NDST1: variants seen among roughly 807,000 people sequenced by gnomAD.
NDST1 encodes the protein bifunctional heparan sulfate N-deacetylase/N-sulfotransferase 1.
NDST1 carries 35 observed loss-of-function variants against 92.8 expected under a neutral mutation model. The ratio of observed to expected loss-of-function variants is 0.38; its 90% CI spans 0.29 to 0.50. NDST1 has a LOEUF of 0.50. NDST1 is among the 20% of genes least tolerant of loss of function. NDST1 has a pLI of 0.94. For synonymous variants in NDST1, 493 were observed against 500.3 expected (o/e 0.99, Z 0.19); for missense variants, 822 against 1,182.7 (o/e 0.69, Z 4.47).
intron 6 of NDST1, among the ~76,000 whole-genome samples, chr5:150,537,007 C>G (rs1755022905): frequency 6.6e-6 from 1 of 152,210 alleles, no homozygotes; most frequent in Non-Finnish European, 1.5e-5. Flanking sequence ...GTCAGGGACC[C>G]CGAACAGAGG....
At chr5:150,550,823 C>T (rs1017760965) in intron 13 of NDST1, 3 of 152,260 alleles carry the variant, frequency 2.0e-5, no homozygotes, top group East Asian at 1.9e-4. Context: ...TTTCAAGCCT[C>T]GCTTTCCTCA....
chr5:150,501,450 A>G (rs1008330259), intron 1 of NDST1, among the ~76,000 whole-genome samples: 4 of 152,316 alleles, frequency 2.6e-5, no homozygotes, highest in African/African-American at 9.6e-5. Context: ...CTTGTCATCC[A>G]TTGGTCCAAG....
intron 2 of NDST1, among the ~76,000 whole-genome samples, chr5:150,524,202 G>A (rs1419189598): frequency 6.6e-6 from 1 of 152,224 alleles, no homozygotes; most frequent in African/African-American, 2.4e-5. Context: ...AATTACAGCT[G>A]CTGCCTCACT....
chr5:150,521,787 C>T lies in NDST1; in HGVS notation c.513+20C>T. 6.2e-7 allele frequency: 1 copy of T among 1,611,050 alleles called. No homozygotes were observed. The highest frequency in any genetic ancestry group is 8.5e-7 in the Non-Finnish European group (1 of 1,179,998). ...TTCAAGGTACACAAGAAGCAGGGTC[C>T]CCGAGCAGTTCAGAGCCCCCTCTGC... On this transcript the variant is annotated intron_variant, in intron 2 of 14. Coordinates refer to ENST00000261797, the MANE Select transcript of NDST1 (RefSeq NM_001543.5). The surrounding 1 kb of genome is among the most constrained non-coding windows in gnomAD (Gnocchi z 5.9).
intron 10 of NDST1, among the ~76,000 whole-genome samples, chr5:150,544,458 C>T (rs1755392265): frequency 6.6e-6 from 1 of 152,278 alleles, no homozygotes; most frequent in Admixed American, 6.5e-5. Flanking sequence ...GCCCAATTCC[C>T]AAGAGCTTGA....
At chr5:150,532,876 C>A in intron 3 of NDST1, 69 bp from the exon 4 acceptor site, 2 of 1,380,498 alleles carry the variant, frequency 1.4e-6, no homozygotes, top group East Asian at 2.3e-5. Context: ...TTTTTCACTG[C>A]CCTCAGTGGG....
intron 11 of NDST1, among the ~76,000 whole-genome samples, chr5:150,546,051 G>A (rs1755469059): frequency 7.1e-6 from 1 of 141,688 alleles, no homozygotes; most frequent in Non-Finnish European, 1.5e-5. Flanking sequence ...AGGCTGGAGT[G>A]CAGTGGCCTG....
chr5:150,531,168 G>A (rs1225130134), intron 3 of NDST1, among the ~76,000 whole-genome samples: 3 of 152,046 alleles, frequency 2.0e-5, no homozygotes, highest in Middle Eastern at 3.2e-3. Flanking sequence ...GCTGTACAGC[G>A]CAATTTAAAT....
intron 10 of NDST1, among the ~76,000 whole-genome samples, chr5:150,544,302 G>T (rs1378514249): frequency 6.6e-6 from 1 of 152,250 alleles, no homozygotes. Flanking sequence ...AGAGGAATAA[G>T]TCAGGTTTTG....
At chr5:150,516,115 A>C (rs1753952913) in intron 1 of NDST1, among the ~76,000 whole-genome samples, 1 of 152,198 alleles carries the variant, frequency 6.6e-6, no homozygotes, top group African/African-American at 2.4e-5. Flanking sequence ...CAGCCTCCAA[A>C]GATAGGGCTA....
intron 2 of NDST1, among the ~76,000 whole-genome samples, chr5:150,527,465 A>T (rs760478973): frequency 6.6e-6 from 1 of 152,196 alleles, no homozygotes; most frequent in Non-Finnish European, 1.5e-5. Context: ...TCATGTTCTC[A>T]ACTGCTAGAT....
rs1274010416 is a variant in NDST1, at chr5:150,553,491, A to G, written c.*159A>G. 9.7e-7 allele frequency: 1 copy of G among 1,026,062 alleles called. No individual in the cohort carries two copies. The highest frequency in any genetic ancestry group is 1.6e-5 in the African/African-American group (1 of 63,274). 63.6% of individuals were successfully genotyped at this position (1,026,062 alleles called of 1,614,324 possible). On this transcript the variant is annotated 3_prime_UTR_variant, in exon 15 of 15. Transcript: ENST00000261797. This position sits in a 1 kb window ranked among gnomAD's most constrained non-coding sequence, Gnocchi z 4.2. ...TGGGGCTGGGGGAGCACCCAGGCGG[A>G]TCTGCAAGCACCTCGGAGCACCCAC... is the stretch of plus-strand genomic sequence containing the variant.
intron 13 of NDST1, chr5:150,550,632 C>T (rs1050363257): frequency 6.6e-6 from 1 of 152,252 alleles, no homozygotes; most frequent in Admixed American, 6.5e-5. Context: ...AAGTCACCCT[C>T]CTTGGCTCCA....
At chr5:150,520,579 A>C (rs10057918) in intron 1 of NDST1, among the ~76,000 whole-genome samples, 6,177 of 152,262 alleles carry the variant, frequency 0.041, 413 homozygotes, top group African/African-American at 0.14. Flanking sequence ...TAGCAACTCC[A>C]ATTTGTAGAT....
At chr5:150,530,462 A>C (rs373769211) in intron 3 of NDST1, among the ~76,000 whole-genome samples, 2 of 152,032 alleles carry the variant, frequency 1.3e-5, no homozygotes, top group East Asian at 3.9e-4. Flanking sequence ...ACTGTGGTCC[A>C]GGGTCAGGTT....
chr5:150,535,283 A>G (rs1754931594), intron 5 of NDST1: 2 of 984,214 alleles, frequency 2.0e-6, no homozygotes, highest in African/African-American at 1.7e-5. Context: ...AACTCAGGCC[A>G]TTTGTTTCCT....
At chr5:150,501,786 C>T (rs1393819041) in intron 1 of NDST1, among the ~76,000 whole-genome samples, 1 of 152,146 alleles carries the variant, frequency 6.6e-6, no homozygotes, top group Non-Finnish European at 1.5e-5. Flanking sequence ...AGCTCACTGT[C>T]AGGTGGTGAG....
Position 150,528,222 on chromosome 5 carries a change from A to G in NDST1, c.932A>G (p.Asp311Gly). The change falls in exon 3 of 15, where the codon GAC (aspartate) becomes GGC (glycine). Residue 311 changes from aspartate (D) to glycine (G), a missense_variant. By Grantham distance (94) the Asp-to-Gly change is moderately conservative (BLOSUM62 -1). Coordinates refer to ENST00000261797, the MANE Select transcript of NDST1 (RefSeq NM_001543.5). Reference protein sequence around the residue: ...LTGKRLSLPLDRYILVDIDDI... With the variant: ...LTGKRLSLPLGRYILVDIDDI... ...GGGAAGCGCCTCTCCCTGCCATTGG[A>G]CCGCTACATCCTGGTGGACATTGAT... 6.2e-7 allele frequency: 1 copy of G among 1,614,030 alleles called. No individual in the cohort carries two copies. Among genetic ancestry groups the G allele is most frequent in the Non-Finnish European group, 8.5e-7 (1 of 1,179,930 alleles).
chr5:150,521,836 TGTGAAATAG>T lies in NDST1; in HGVS notation c.513+73_513+81del. On this transcript the variant is annotated intron_variant, in intron 2 of 14. Coordinates refer to ENST00000261797, the MANE Select transcript of NDST1 (RefSeq NM_001543.5). The surrounding 1 kb of genome is among the most constrained non-coding windows in gnomAD (Gnocchi z 5.9). The stretch of plus-strand genomic sequence containing the variant: ...GCAGCTCAGTGCCTGAATTCTCATT[TGTGAAATAG>T]GTGTAATGGTAGCACCCGCCTCCTG... 6.3e-7 allele frequency: 1 copy of T among 1,594,120 alleles called. No individual in the cohort carries two copies. Among genetic ancestry groups the T allele is most frequent in the Non-Finnish European group, 8.5e-7 (1 of 1,172,936 alleles).
Sources: allele counts gnomAD v4.1 joint callset (sites outside exome capture counted in the v4.1 genomes callset), GRCh38; gene constraint gnomAD v4.1.1; non-coding constraint Gnocchi (gnomAD v3.1); transcripts MANE v1.5; gene names NCBI Gene and HGNC (gene_info 2026-07-23, HGNC 2026-07-21).